The following RBM22 variants were observed in gnomAD, a reference collection of about 807,000 sequenced individuals.
RBM22 encodes the protein pre-mRNA-splicing factor RBM22.
A neutral mutation model predicts 50.1 loss-of-function variants in RBM22; 1 was observed. That is an observed-to-expected ratio of 0.02 (90% CI 0.01 to 0.09). RBM22 has a LOEUF of 0.09. RBM22 is among the 10% of genes least tolerant of loss of function. RBM22 has a pLI of 1.00. For missense variants in RBM22, 264 were observed against 529.3 expected (o/e 0.50, Z 4.92); for synonymous variants, 152 against 179.0 (o/e 0.85, Z 1.20).
intron 4 of RBM22, among the ~76,000 whole-genome samples, chr5:150,697,101 G>T (rs1331563672): frequency 2.0e-5 from 3 of 152,128 alleles, no homozygotes. Flanking sequence ...GAACTGTCAG[G>T]AAATTTGATG....
intron 7 of RBM22, 115 bp downstream of exon 7, chr5:150,695,391 G>C (rs944451234): frequency 4.4e-6 from 4 of 915,362 alleles, no homozygotes; most frequent in African/African-American, 1.7e-5. Context: ...ACTAACAATA[G>C]AGAGACTACA....
rs1357852664 is a variant in RBM22, at chr5:150,691,830, C to G, written c.1184G>C (p.Arg395Pro). Residue 395 changes from arginine to proline, a missense_variant, in exon 11 of 11, where the codon CGG (arginine) becomes CCG (proline). Arg to Pro is a moderately radical substitution (Grantham distance 103). Coordinates refer to ENST00000199814, the MANE Select transcript of RBM22 (RefSeq NM_018047.3). The part of the protein sequence containing the change: ...HPMGPPPPFM[R>P]APGPIHYPSQ... ...AGGATAGTGGATTGGTCCTGGAGCC[C>G]GCATGAAAGGAGGGGGTGGTCCCAT... 2 of 1,600,154 alleles carry G rather than the reference C, an allele frequency of 1.2e-6. No individual in the cohort carries two copies. Among genetic ancestry groups the G allele is most frequent in the Non-Finnish European group, 8.5e-7 (1 of 1,173,278 alleles).
Position 150,693,260 on chromosome 5 carries a change from T to G in RBM22, c.959A>C (p.Asp320Ala). 6.2e-7 allele frequency: 1 copy of G among 1,613,920 alleles called. No homozygotes were observed. ...GKEKEKDGTTDSGIKLEPVPG... is the reference protein window; with the variant it reads ...GKEKEKDGTTASGIKLEPVPG... Reference sequence around the variant, plus strand: ...AACAGGTTCTAGTTTGATCCCAGAGTCTGTAGTTCCATCTTTCTCTTTTTC... The same window carrying G: ...AACAGGTTCTAGTTTGATCCCAGAGGCTGTAGTTCCATCTTTCTCTTTTTC... The change falls in exon 9 of 11, where the codon GAC (aspartate) becomes GCC (alanine). Residue 320 changes from aspartate (D) to alanine (A), a missense_variant. Physicochemically the swap from Asp to Ala is moderately radical, Grantham distance 126. Transcript: ENST00000199814.
intron 10 of RBM22, among the ~76,000 whole-genome samples, chr5:150,692,454 A>G (rs1759220405): frequency 6.6e-6 from 1 of 152,160 alleles, no homozygotes; most frequent in Non-Finnish European, 1.5e-5. Flanking sequence ...TTCATCTGAC[A>G]GTTTTTTTGG....
chr5:150,693,239 G>C lies in RBM22; in HGVS notation c.980C>G (p.Pro327Arg). 6.2e-7 allele frequency: 1 copy of C among 1,613,850 alleles called. No individual in the cohort carries two copies. The highest frequency in any genetic ancestry group is 8.5e-7 in the Non-Finnish European group (1 of 1,179,768). ...CTCACCTCCTGGCAATCCTGGAACA[G>C]GTTCTAGTTTGATCCCAGAGTCTGT... ...GTTDSGIKLE[P>R]VPGLPGALPP... The change falls in exon 9 of 11, where the codon CCT becomes CGT. Residue 327 changes from proline to arginine, a missense_variant. Pro to Arg is a moderately radical substitution (Grantham distance 103). Around this residue, in one of 7 missense-constraint regions of RBM22, gnomAD observed 106 missense variants for 137.1 expected, o/e 0.77. Coordinates refer to ENST00000199814, the MANE Select transcript of RBM22 (RefSeq NM_018047.3).
chr5:150,694,360 G>GCCTAACTA, intron 7 of RBM22, 120 bp from the exon 8 acceptor site: 1 of 1,420,834 alleles, frequency 7.0e-7, no homozygotes, highest in Non-Finnish European at 9.2e-7. Flanking sequence ...AAGGTTATCT[G>GCCTAACTA]CCTAACTACC....
intron 4 of RBM22, among the ~76,000 whole-genome samples, chr5:150,697,098 C>A (rs911248857): frequency 1.3e-5 from 2 of 152,118 alleles, no homozygotes; most frequent in African/African-American, 2.4e-5. Context: ...CCTGAACTGT[C>A]AGGAAATTTG....
chr5:150,697,798 TAA>T, intron 4 of RBM22: 23 of 279,706 alleles, frequency 8.2e-5, no homozygotes, highest in Non-Finnish European at 1.3e-4. Flanking sequence ...CACCTATGGT[TAA>T]AAAAAAAATT....
chr5:150,691,828 C>T lies in RBM22; in HGVS notation c.1186G>A (p.Ala396Thr), dbSNP rs760615820. 37 of 1,600,916 alleles carry T rather than the reference C, an allele frequency of 2.3e-5. No individual in the cohort carries two copies. The highest frequency in any genetic ancestry group is 3.1e-5 in the Non-Finnish European group (36 of 1,173,734). The change falls in exon 11 of 11, where the codon GCT becomes ACT. Residue 396 changes from alanine to threonine, a missense_variant. Physicochemically the swap from Ala to Thr is moderately conservative, Grantham distance 58. Coordinates refer to ENST00000199814, the MANE Select transcript of RBM22 (RefSeq NM_018047.3). ...PMGPPPPFMRAPGPIHYPSQD... is the reference protein window; with the variant it reads ...PMGPPPPFMRTPGPIHYPSQD... ...GAAGGATAGTGGATTGGTCCTGGAG[C>T]CCGCATGAAAGGAGGGGGTGGTCCC...
rs1377156344 is a variant in RBM22, at chr5:150,699,279, A to G, written c.109-8T>C. The G allele has an allele frequency of 1.3e-6, 2 of 1,570,018 alleles. No homozygotes were observed. The highest frequency in any genetic ancestry group is 1.7e-6 in the Non-Finnish European group (2 of 1,161,936). ...CCCATACTTTTCTTTGGTCTATAAT[A>G]GAAAAAAAATAGAAAAGAACTGGAG... On this transcript the variant is annotated splice_region_variant and splice_polypyrimidine_tract_variant and intron_variant, in intron 2 of 10. Coordinates refer to ENST00000199814, the MANE Select transcript of RBM22 (RefSeq NM_018047.3).
In RBM22 at chr5:150,700,714, A is replaced by C. The variant is rs1201796857; in HGVS notation, c.55-217T>G. 5 of 1,533,698 alleles carry C rather than the reference A, an allele frequency of 3.3e-6. No homozygotes were observed. In the South Asian group the frequency reaches 6.0e-5, roughly 18 times the overall value. On this transcript the variant is annotated intron_variant, in intron 1 of 10. Coordinates refer to ENST00000199814, the MANE Select transcript of RBM22 (RefSeq NM_018047.3). ...CCAGCTCTAATAGGCTGGAGGGGGC[A>C]GGGATGGAAAGGGTGCTGGTCCCGG...
In RBM22 at chr5:150,696,460, T is replaced by G; in HGVS notation, c.545+73A>C. On this transcript the variant is annotated intron_variant, in intron 6 of 10. Transcript: ENST00000199814. The surrounding 1 kb of genome is among the most constrained non-coding windows in gnomAD (Gnocchi z 4.3). ...TTTAGATTTTAAAGCAGAAACAGTT[T>G]AAGTTAGGACCTCCCACTTCTTAGA... 6.8e-7 allele frequency: 1 copy of G among 1,471,824 alleles called. No homozygotes were observed. The highest frequency in any genetic ancestry group is 9.3e-7 in the Non-Finnish European group (1 of 1,077,460). The allele number at this position is 1,471,824 out of a possible 1,614,324, so 91.2% of individuals were successfully genotyped here.
intron 7 of RBM22, chr5:150,695,211 T>C (rs1268023937): frequency 6.8e-6 from 2 of 295,982 alleles, no homozygotes; most frequent in East Asian, 7.5e-5. Context: ...GATTTCTTAG[T>C]AGAGATGTGG....
rs989874937 is a variant in RBM22 at position 150,692,700 on chromosome 5, A to G, written c.1132+195T>C. ...TGCTGACACATATACGCGGATCTTTAGAAAACTGGCCCCTTTCTTCTCCTC... is the reference window on the plus strand; with the variant it reads ...TGCTGACACATATACGCGGATCTTTGGAAAACTGGCCCCTTTCTTCTCCTC... On this transcript the variant is annotated intron_variant, in intron 10 of 10. Coordinates refer to ENST00000199814, the MANE Select transcript of RBM22 (RefSeq NM_018047.3). 2.3e-4 allele frequency among the ~76,000 whole-genome samples: 35 copies of G among 152,216 alleles called. 1 individual carries two copies. The highest frequency in any genetic ancestry group is 2.2e-3 in the Admixed American group (33 of 15,278).
intron 7 of RBM22, 87 bp downstream of exon 7, chr5:150,695,419 C>A: frequency 8.8e-7 from 1 of 1,134,706 alleles, no homozygotes; most frequent in Non-Finnish European, 1.3e-6. Context: ...GTATTTTGTA[C>A]AGAATGATCA....
intron 1 of RBM22, 64 bp downstream of exon 1, chr5:150,700,868 T>C (rs1438772145): frequency 1.2e-6 from 2 of 1,613,892 alleles, no homozygotes; most frequent in Admixed American, 3.3e-5. Context: ...GGCCCTGTCC[T>C]GCCAGCTTGC....
At chr5:150,692,862 T>C in intron 10 of RBM22, 33 bp downstream of exon 10, 2 of 1,553,640 alleles carry the variant, frequency 1.3e-6, no homozygotes, top group South Asian at 1.2e-5. Context: ...TTCACAAGGA[T>C]TTCTCTGGGC....
chr5:150,699,214 A>C, intron 3 of RBM22, 28 bp downstream of exon 3: 1 of 1,578,948 alleles, frequency 6.3e-7, no homozygotes, highest in Non-Finnish European at 8.6e-7. Flanking sequence ...TGAAACAGAA[A>C]TCATTACTCT....
At chr5:150,700,781 C>A in intron 1 of RBM22, 151 bp downstream of exon 1, 1 of 1,560,356 alleles carries the variant, frequency 6.4e-7, no homozygotes, top group Non-Finnish European at 8.6e-7. Context: ...GCAGGAGGAT[C>A]GCCCTCCGCC....
Sources: gnomAD v4.1 joint callset for allele counts (sites outside exome capture counted in the v4.1 genomes callset) on GRCh38, gnomAD v4.1.1 for gene constraint, gnomAD v4.1.1 regional missense constraint, Gnocchi (gnomAD v3.1) non-coding constraint, MANE v1.5 for transcripts, NCBI Gene and HGNC (gene_info 2026-07-23, HGNC 2026-07-21) for gene names.